The following ESRRG variants were observed in gnomAD, a reference collection of about 807,000 sequenced individuals.
ESRRG encodes the protein estrogen-related receptor gamma.
In ESRRG, 13 loss-of-function variants were observed where a neutral mutation model predicts 44.0. That is an observed-to-expected ratio of 0.30 (90% CI 0.19 to 0.47). ESRRG has a LOEUF of 0.47. ESRRG is among the 20% of genes least tolerant of loss of function. ESRRG has a pLI of 1.00. For missense variants in ESRRG, 395 were observed against 580.6 expected (o/e 0.68, Z 3.29); for synonymous variants, 215 against 214.6 (o/e 1.00, Z -0.02).
chr1:216,721,766 C>T (rs1462853495), intron 1 of ESRRG, among the ~76,000 whole-genome samples: 1 of 152,220 alleles, frequency 6.6e-6, no homozygotes, highest in African/African-American at 2.4e-5. Context: ...ACGTCTTAAA[C>T]TCTCCAATTC....
At chr1:217,073,272 A>T (rs1352696804) in intron 1 of ESRRG, among the ~76,000 whole-genome samples, 1 of 151,032 alleles carries the variant, frequency 6.6e-6, no homozygotes, top group Non-Finnish European at 1.5e-5. Flanking sequence ...AACTGCCAAA[A>T]ACCCAACTGT....
intron 1 of ESRRG, among the ~76,000 whole-genome samples, chr1:216,992,156 C>A (rs1369158793): frequency 6.6e-6 from 1 of 152,216 alleles, no homozygotes; most frequent in African/African-American, 2.4e-5. Flanking sequence ...ATCACACATC[C>A]TAAACCACAC....
chr1:216,569,774 T>C (rs903867023), intron 3 of ESRRG, among the ~76,000 whole-genome samples: 2 of 152,194 alleles, frequency 1.3e-5, no homozygotes, highest in African/African-American at 4.8e-5. Flanking sequence ...CTCAAACTGT[T>C]TAGGAAATAG....
intron 1 of ESRRG, among the ~76,000 whole-genome samples, chr1:217,135,152 G>T (rs112175106): frequency 4.6e-5 from 7 of 152,332 alleles, no homozygotes; most frequent in Admixed American, 1.3e-4. Context: ...ACTGCGAAAG[G>T]AAAGGTCTCC....
intron 1 of ESRRG, among the ~76,000 whole-genome samples, chr1:216,951,185 T>C (rs1170230125): frequency 6.6e-6 from 1 of 152,210 alleles, no homozygotes. Context: ...GTGTCAATAC[T>C]GATGTCACTA....
chr1:216,528,352 A>T (rs1268686021), intron 5 of ESRRG, among the ~76,000 whole-genome samples: 1 of 152,170 alleles, frequency 6.6e-6, no homozygotes, highest in Non-Finnish European at 1.5e-5. Context: ...TTAGAAGTAA[A>T]GTTGATGTTT....
At chr1:216,648,710 C>T (rs17626048) in intron 3 of ESRRG, among the ~76,000 whole-genome samples, 6,876 of 152,106 alleles carry the variant, frequency 0.045, 202 homozygotes, top group Admixed American at 0.057. Context: ...GAAGTGTCTC[C>T]ATTAATTCAG....
At chr1:217,067,567 G>A (rs2089944344) in intron 1 of ESRRG, among the ~76,000 whole-genome samples, 1 of 152,164 alleles carries the variant, frequency 6.6e-6, no homozygotes, top group Non-Finnish European at 1.5e-5. Flanking sequence ...CAGTATTTTT[G>A]AGGCATTAGT....
intron 1 of ESRRG, among the ~76,000 whole-genome samples, chr1:217,126,729 A>G (rs144975305): frequency 1.3e-4 from 20 of 152,284 alleles, no homozygotes; most frequent in African/African-American, 4.8e-4. Flanking sequence ...AATAATTAAC[A>G]ATTGTTAAAA....
rs138882866 is a variant in ESRRG, at chr1:216,938,360, G to A, written c.-14+1222C>T. Among the ~76,000 whole-genome samples, 57 of 152,224 alleles carry A rather than the reference G, an allele frequency of 3.7e-4. 1 individual carries two copies. Among genetic ancestry groups the A allele is most frequent in the African/African-American group, 1.2e-4 (5 of 41,548 alleles). ...TATCACTAATATTTAAAACTAAACC[G>A]ATGCTACGCAAAACAACAGATGATA... On this transcript the variant is annotated intron_variant, in intron 2 of 7. Coordinates refer to the ESRRG transcript ENST00000359162.
At chr1:216,939,291 C>T (rs1262057646) in intron 2 of ESRRG, among the ~76,000 whole-genome samples, 2 of 126,370 alleles carry the variant, frequency 1.6e-5, no homozygotes, top group Non-Finnish European at 3.2e-5. Context: ...TACATGATCA[C>T]TACAACACAT....
intron 1 of ESRRG, among the ~76,000 whole-genome samples, chr1:217,132,035 C>T (rs1329636026): frequency 6.6e-6 from 1 of 152,214 alleles, no homozygotes; most frequent in Non-Finnish European, 1.5e-5. Flanking sequence ...TGCTGGAGCT[C>T]TGGAGTTGCT....
chr1:216,637,433 A>G (rs1423585062), intron 3 of ESRRG, among the ~76,000 whole-genome samples: 1 of 152,242 alleles, frequency 6.6e-6, no homozygotes, highest in East Asian at 1.9e-4. Context: ...TCCAGCACGA[A>G]GACCATTCCC....
chr1:217,120,264 A>C (rs1224684233), intron 1 of ESRRG, among the ~76,000 whole-genome samples: 9 of 145,032 alleles, frequency 6.2e-5, no homozygotes, highest in African/African-American at 2.0e-4. Context: ...TCCTAGAAAT[A>C]TTTTATTTTA....
At chr1:217,024,400 G>T (rs933051783) in intron 1 of ESRRG, among the ~76,000 whole-genome samples, 4 of 151,324 alleles carry the variant, frequency 2.6e-5, no homozygotes, top group Non-Finnish European at 2.9e-5. Flanking sequence ...TTCAGGCTAG[G>T]ACAGGTAGGT....
intron 2 of ESRRG, chr1:216,863,156 T>C (rs1299241761): frequency 1.3e-5 from 2 of 152,144 alleles, no homozygotes; most frequent in African/African-American, 4.8e-5. Flanking sequence ...AGTTTCTGAT[T>C]CAGTAGGCCT....
chr1:217,054,790 T>C (rs1172620774), intron 1 of ESRRG, among the ~76,000 whole-genome samples: 1 of 151,702 alleles, frequency 6.6e-6, no homozygotes, highest in Admixed American at 6.6e-5. Context: ...GAGAAATCAA[T>C]GTCAAAAGAG....
chr1:216,624,605 C>T (rs1190773421), intron 3 of ESRRG, among the ~76,000 whole-genome samples: 5 of 152,168 alleles, frequency 3.3e-5, no homozygotes, highest in Non-Finnish European at 7.4e-5. Flanking sequence ...AAAAAAACTG[C>T]CATTCTTTCT....
intron 2 of ESRRG, among the ~76,000 whole-genome samples, chr1:216,806,716 TG>T (rs1487910699): frequency 6.6e-6 from 1 of 152,172 alleles, no homozygotes; most frequent in Non-Finnish European, 1.5e-5. Context: ...TAAGAAATAC[TG>T]AGCTTGAGGA....
Sources: allele counts gnomAD v4.1 joint callset (sites outside exome capture counted in the v4.1 genomes callset), GRCh38; gene constraint gnomAD v4.1.1; transcripts MANE v1.5; gene names NCBI Gene and HGNC (gene_info 2026-07-23, HGNC 2026-07-21).